Variants in TSPOAP1 observed in about 807,000 individuals in gnomAD.
TSPOAP1 encodes peripheral-type benzodiazepine receptor-associated protein 1.
TSPOAP1 carries 87 observed loss-of-function variants against 197.0 expected under a neutral mutation model. The ratio of observed to expected loss-of-function variants is 0.44; its 90% CI spans 0.37 to 0.53. TSPOAP1 has a LOEUF of 0.53. Among genes scored for constraint, TSPOAP1 ranks in the 20% least tolerant of loss-of-function variants. TSPOAP1 has a pLI of 0.00. For synonymous variants in TSPOAP1, 913 were observed against 998.9 expected (o/e 0.91, Z 1.62); for missense variants, 2,174 against 2,411.3 (o/e 0.90, Z 2.06).
At chr17:58,318,561 CT>C in intron 13 of TSPOAP1, 109 bp from the exon 14 acceptor site, 1 of 1,133,978 alleles carries the variant, frequency 8.8e-7, no homozygotes, top group Non-Finnish European at 1.2e-6. Context: ...GCCGGGCTTC[CT>C]TACAAAAAGG....
Position 58,316,429 on chromosome 17 carries a change from A to C in TSPOAP1, c.1984T>G (p.Tyr662Asp). Residue 662 changes from tyrosine to aspartate, a missense_variant, in exon 15 of 32, where the codon TAT (tyrosine) becomes GAT (aspartate). Tyr to Asp is a radical substitution (Grantham distance 160). Transcript: ENST00000343736. ...CAGTGAGGGTGAGGGACCCACCTATAACGTGCTAGGAAGACCTGGATCCTG... is the reference window on the plus strand; with the variant it reads ...CAGTGAGGGTGAGGGACCCACCTATCACGTGCTAGGAAGACCTGGATCCTG... ...GARIQVFLAR[Y>D]SYNPFEGPNE... 6.2e-7 allele frequency: 1 copy of C among 1,611,926 alleles called. No individual in the cohort carries two copies. The highest frequency in any genetic ancestry group is 8.5e-7 in the Non-Finnish European group (1 of 1,178,794).
At chr17:58,319,573 G>T (rs1971338504) in intron 12 of TSPOAP1, among the ~76,000 whole-genome samples, 1 of 152,214 alleles carries the variant, frequency 6.6e-6, no homozygotes, top group Non-Finnish European at 1.5e-5. Flanking sequence ...CTAGGCGATG[G>T]CACCTCTGCC....
At position 58,305,652 on chromosome 17, in the gene TSPOAP1, G is replaced by T; in HGVS notation, c.5258-9C>A. The T allele has an allele frequency of 6.9e-7, 1 of 1,456,094 alleles. No homozygotes were observed. The allele number at this position is 1,456,094 out of a possible 1,614,324, so 90.2% of individuals were successfully genotyped here. On this transcript the variant is annotated splice_polypyrimidine_tract_variant and intron_variant, in intron 27 of 31. Transcript: ENST00000343736. ...GACCAGCTTAGGGGGGCCTGCAGGG[G>T]GAGTAGGAGAAGACTCTGGACTCTC...
chr17:58,320,273 A>C, intron 11 of TSPOAP1, 144 bp from the exon 12 acceptor site: 1 of 1,097,994 alleles, frequency 9.1e-7, no homozygotes, highest in South Asian at 1.4e-5. Flanking sequence ...AAATGGAAGG[A>C]TATCTCAGGG....
At position 58,323,379 on chromosome 17, in the gene TSPOAP1, T is replaced by A; in HGVS notation, c.1023A>T (p.Glu341Asp). The A allele has an allele frequency of 6.2e-7, 1 of 1,614,232 alleles. No individual in the cohort carries two copies. Among genetic ancestry groups the A allele is most frequent in the South Asian group, 1.1e-5 (1 of 91,088 alleles). Reference sequence around the variant, plus strand: ...TCTTCCGCTTCTTGCTGAGCTCCGATTCCTGAGGGGTCAGAACCAAGTGCT... The same window carrying A: ...TCTTCCGCTTCTTGCTGAGCTCCGAATCCTGAGGGGTCAGAACCAAGTGCT... ...PEKEQRVQQL[E>D]SELSKKRKKC... The change falls in exon 7 of 32, where the codon GAA (glutamate) becomes GAT (aspartate). Residue 341 changes from glutamate (E) to aspartate (D), a missense_variant and splice_region_variant. Physicochemically the swap from Glu to Asp is conservative, Grantham distance 45. This residue lies in a region of TSPOAP1 where 1,933 missense variants were observed against 2,139.0 expected (regional missense o/e 0.90). Coordinates refer to ENST00000343736, the MANE Select transcript of TSPOAP1 (RefSeq NM_004758.4).
rs748470824 is a variant in TSPOAP1 at position 58,326,657 on chromosome 17, G to A, written c.441+26C>T. The A allele has an allele frequency of 2.1e-5, 33 of 1,608,870 alleles. No individual in the cohort carries two copies. In the East Asian group the frequency reaches 5.6e-4, roughly 27 times the overall value. On this transcript the variant is annotated intron_variant, in intron 2 of 31. Coordinates refer to ENST00000343736, the MANE Select transcript of TSPOAP1 (RefSeq NM_004758.4). The surrounding 1 kb of genome is among the most constrained non-coding windows in gnomAD (Gnocchi z 4.7). ...CAGAGGGCCTGGCTCCAGCCAGAACGCAGCACCCCAGTCTCCAAGCCTCAC... is the reference window on the plus strand; with the variant it reads ...CAGAGGGCCTGGCTCCAGCCAGAACACAGCACCCCAGTCTCCAAGCCTCAC...
chr17:58,302,210 G>A lies in TSPOAP1; in HGVS notation c.*270C>T. The A allele has an allele frequency of 7.8e-7, 1 of 1,276,492 alleles. No homozygotes were observed. Among genetic ancestry groups the A allele is most frequent in the African/African-American group, 1.5e-5 (1 of 65,640 alleles). The allele number at this position is 1,276,492 out of a possible 1,614,324, so 79.1% of individuals were successfully genotyped here. A position where few individuals can be genotyped will look rare whatever the true frequency, so the allele number is the denominator to read the frequency against. On this transcript the variant is annotated 3_prime_UTR_variant, in exon 32 of 32. Coordinates refer to ENST00000343736, the MANE Select transcript of TSPOAP1 (RefSeq NM_004758.4). ...CAGTCTGAGCCTTCCCTGCTCAGCA[G>A]AGACAGTGATCTGGGGGCCTCTCAG...
chr17:58,319,631 C>T (rs1971341189), intron 12 of TSPOAP1, among the ~76,000 whole-genome samples: 1 of 152,250 alleles, frequency 6.6e-6, no homozygotes, highest in Non-Finnish European at 1.5e-5. Context: ...CCCATCATCA[C>T]CACCATCACC....
chr17:58,308,532 A>G lies in TSPOAP1; in HGVS notation c.4731+9T>C. ...CAGGGGCTGCCCAGGGCGGGGAGTG[A>G]GCACGGACCCGGGAGAGTGGCTCCT... On this transcript the variant is annotated intron_variant, in intron 22 of 31. Coordinates refer to ENST00000343736, the MANE Select transcript of TSPOAP1 (RefSeq NM_004758.4). The G allele has an allele frequency of 6.6e-7, 1 of 1,512,294 alleles. No individual in the cohort carries two copies. The highest frequency in any genetic ancestry group is 8.8e-7 in the Non-Finnish European group (1 of 1,130,632). 93.7% of individuals were successfully genotyped at this position (1,512,294 alleles called of 1,614,324 possible).
Position 58,311,669 on chromosome 17 carries a change from T to A in TSPOAP1, c.2983A>T (p.Ile995Phe). 1.2e-6 allele frequency: 2 copies of A among 1,609,778 alleles called. No individual in the cohort carries two copies. The highest frequency in any genetic ancestry group is 1.7e-6 in the Non-Finnish European group (2 of 1,177,308). Residue 995 changes from isoleucine (I) to phenylalanine (F), a missense_variant, in exon 18 of 32, where the codon ATC becomes TTC. Around this residue, in one of 5 missense-constraint regions of TSPOAP1, gnomAD observed 1,933 missense variants for 2,139.0 expected, o/e 0.90. Transcript: ENST00000343736. ...ACTGGGAGCCAACTGATGATCAAGA[T>A]CCCAGGGGAGGGCCCAGGCTCGATC... The part of the protein sequence containing the change: ...VQIEPGPSPG[I>F]LIISWLPVTI...
chr17:58,306,320 G>C (rs747850524), intron 26 of TSPOAP1, 22 bp downstream of exon 26: 1 of 1,549,426 alleles, frequency 6.5e-7, no homozygotes, highest in Admixed American at 2.0e-5. Context: ...CAGCACCTGA[G>C]AGAGAATGGG....
intron 16 of TSPOAP1, among the ~76,000 whole-genome samples, chr17:58,315,285 G>A (rs1207222235): frequency 6.6e-6 from 1 of 152,166 alleles, no homozygotes; most frequent in East Asian, 1.9e-4. Flanking sequence ...AGCTAAGCCT[G>A]TTCCTAAATC....
Position 58,302,208 on chromosome 17 carries a change from C to A in TSPOAP1, c.*272G>T. ...CCCAGTCTGAGCCTTCCCTGCTCAGCAGAGACAGTGATCTGGGGGCCTCTC... is the reference window on the plus strand; with the variant it reads ...CCCAGTCTGAGCCTTCCCTGCTCAGAAGAGACAGTGATCTGGGGGCCTCTC... On this transcript the variant is annotated 3_prime_UTR_variant, in exon 32 of 32. Transcript: ENST00000343736. The A allele has an allele frequency of 7.8e-7, 1 of 1,274,840 alleles. No individual in the cohort carries two copies. The highest frequency in any genetic ancestry group is 1.3e-5 in the South Asian group (1 of 79,760). The allele number at this position is 1,274,840 out of a possible 1,614,324, so 79.0% of individuals were successfully genotyped here.
intron 14 of TSPOAP1, among the ~76,000 whole-genome samples, chr17:58,317,002 C>A (rs1053025554): frequency 2.6e-5 from 4 of 152,160 alleles, no homozygotes; most frequent in African/African-American, 9.7e-5. Flanking sequence ...TTGAGACCAG[C>A]GTGAGAAGCA....
Position 58,323,359 on chromosome 17 carries a change from C to G in TSPOAP1, c.1043G>C (p.Arg348Pro). The G allele has an allele frequency of 6.2e-7, 1 of 1,614,232 alleles. No individual in the cohort carries two copies. The highest frequency in any genetic ancestry group is 1.1e-5 in the South Asian group (1 of 91,090). The change falls in exon 7 of 32, where the codon CGG (arginine) becomes CCG (proline). Residue 348 changes from arginine (R) to proline (P), a missense_variant. This residue lies in a region of TSPOAP1 where 1,933 missense variants were observed against 2,139.0 expected (regional missense o/e 0.90). Transcript: ENST00000343736. ...CTGCTCCAGGCTCTCGCATTTCTTC[C>G]GCTTCTTGCTGAGCTCCGATTCCTG... is the stretch of plus-strand genomic sequence containing the variant. ...QQLESELSKK[R>P]KKCESLEQEA...
rs1971709450 is a variant in TSPOAP1, at chr17:58,328,024, C to A, written c.-104G>T. 1.9e-6 allele frequency: 2 copies of A among 1,039,514 alleles called. No homozygotes were observed. Among genetic ancestry groups the A allele is most frequent in the African/African-American group, 3.2e-5 (2 of 61,948 alleles). 64.4% of individuals were successfully genotyped at this position (1,039,514 alleles called of 1,614,324 possible). On this transcript the variant is annotated 5_prime_UTR_variant, in exon 1 of 32. Coordinates refer to ENST00000343736, the MANE Select transcript of TSPOAP1 (RefSeq NM_004758.4). This position sits in a 1 kb window ranked among gnomAD's most constrained non-coding sequence, Gnocchi z 4.3. ...GGCCAGCCCCTCTCCCCTCTGAGCT[C>A]TTGCTTCACCGACGCTCCATCCAAG...
chr17:58,318,373 G>A lies in TSPOAP1; in HGVS notation c.1779C>T (p.Val593=). The change falls in exon 14 of 32, where the codon GTC becomes GTT. Residue 593 remains valine, a synonymous_variant. Coordinates refer to ENST00000343736, the MANE Select transcript of TSPOAP1 (RefSeq NM_004758.4). ...CTGCCTTCTTGGCTGTCCTTCGAGG[G>A]ACCCCAGTGAGAGTGGCAGGGGCAG... The part of the protein sequence containing the change: ...SEPAPATLTG[V]PRRTAKKAES... 1 of 1,614,188 alleles carries A rather than the reference G, an allele frequency of 6.2e-7. No homozygotes were observed. Among genetic ancestry groups the A allele is most frequent in the Non-Finnish European group, 8.5e-7 (1 of 1,180,000 alleles).
chr17:58,315,724 T>C (rs1048012126), intron 16 of TSPOAP1, among the ~76,000 whole-genome samples: 1 of 152,058 alleles, frequency 6.6e-6, no homozygotes, highest in Non-Finnish European at 1.5e-5. Context: ...CAAAAATGAA[T>C]CTAGCCAAAA....
intron 10 of TSPOAP1, 55 bp from the exon 11 acceptor site, chr17:58,320,636 T>C: frequency 7.6e-7 from 1 of 1,317,526 alleles, no homozygotes; most frequent in South Asian, 2.1e-5. Context: ...TGGGGTGGAG[T>C]AGAGAGGGCT....
Sources: gnomAD v4.1 joint callset for allele counts (sites outside exome capture counted in the v4.1 genomes callset) on GRCh38, gnomAD v4.1.1 for gene constraint, gnomAD v4.1.1 regional missense constraint, Gnocchi (gnomAD v3.1) non-coding constraint, MANE v1.5 for transcripts, NCBI Gene and HGNC (gene_info 2026-07-23, HGNC 2026-07-21) for gene names.